NKD2: variants seen among roughly 807,000 people sequenced by gnomAD.
The protein encoded by NKD2 is protein naked cuticle homolog 2.
Under a neutral mutation model 34.8 loss-of-function variants are expected in NKD2, and 43 were observed. The ratio of observed to expected loss-of-function variants is 1.24; its 90% CI spans 0.97 to 1.60. The LOEUF is 1.60. NKD2 is among the 40% of genes most tolerant of loss of function. The pLI, the probability that NKD2 is intolerant of heterozygous loss-of-function variation, is 0.00. For synonymous variants in NKD2, 278 were observed against 265.1 expected (o/e 1.05, Z -0.47); for missense variants, 675 against 627.1 (o/e 1.08, Z -0.82).
chr5:1,028,357 G>A (rs1403338778), intron 3 of NKD2, among the ~76,000 whole-genome samples: 1 of 152,212 alleles, frequency 6.6e-6, no homozygotes, highest in Non-Finnish European at 1.5e-5. Flanking sequence ...ATGCAGCTGC[G>A]AGGCTATGGG....
At chr5:1,019,861 G>A (rs1406878799) in intron 3 of NKD2, among the ~76,000 whole-genome samples, 1 of 152,182 alleles carries the variant, frequency 6.6e-6, no homozygotes, top group Non-Finnish European at 1.5e-5. Context: ...AAAAACGTCC[G>A]GTGGGTTTTT....
chr5:1,011,373 C>T (rs902644277), intron 3 of NKD2, among the ~76,000 whole-genome samples: 4 of 152,218 alleles, frequency 2.6e-5, no homozygotes, highest in South Asian at 2.1e-4. Flanking sequence ...GTTCCCCCTG[C>T]GACAGATCCT....
At chr5:1,015,238 C>T (rs1246785433) in intron 3 of NKD2, among the ~76,000 whole-genome samples, 4 of 152,232 alleles carry the variant, frequency 2.6e-5, no homozygotes, top group Non-Finnish European at 4.4e-5. Context: ...TGTCAGCAAG[C>T]TCTCACTGGT....
intron 6 of NKD2, 111 bp from the exon 7 acceptor site, chr5:1,034,645 G>A: frequency 3.5e-6 from 4 of 1,158,602 alleles, no homozygotes; most frequent in Middle Eastern, 4.9e-4. Flanking sequence ...TCTGTTGGTG[G>A]ATGCAAGGAT....
Position 1,038,899 on chromosome 5 carries a change from A to C in NKD2, c.*526A>C, listed in dbSNP as rs1454054000. 7.8e-6 allele frequency: 2 copies of C among 257,850 alleles called. No individual in the cohort carries two copies. The highest frequency in any genetic ancestry group is 2.1e-4 in the East Asian group (2 of 9,464). 16.0% of individuals were successfully genotyped at this position (257,850 alleles called of 1,614,324 possible). A position where few individuals can be genotyped will look rare whatever the true frequency, so the allele number is the denominator to read the frequency against. ...GCAGGGAGCATCCGCGGCTCCCCGC[A>C]GGAGGCCAAGCAGCAGAAGGCAGCA... On this transcript the variant is annotated 3_prime_UTR_variant, in exon 10 of 10. Coordinates refer to ENST00000296849, the MANE Select transcript of NKD2 (RefSeq NM_033120.4). This position sits in a 1 kb window ranked among gnomAD's most constrained non-coding sequence, Gnocchi z 4.5.
At chr5:1,013,411 C>G (rs1755830672) in intron 3 of NKD2, among the ~76,000 whole-genome samples, 1 of 152,212 alleles carries the variant, frequency 6.6e-6, no homozygotes, top group Non-Finnish European at 1.5e-5. Context: ...TGTGGCCCAG[C>G]CATGTGGCGA....
intron 3 of NKD2, among the ~76,000 whole-genome samples, chr5:1,028,462 A>G (rs1756512405): frequency 6.6e-6 from 1 of 152,182 alleles, no homozygotes; most frequent in Non-Finnish European, 1.5e-5. Flanking sequence ...CTGCTCAGGC[A>G]GATGCGGCTG....
chr5:1,011,332 G>A (rs1002616348), intron 3 of NKD2, among the ~76,000 whole-genome samples: 29 of 152,180 alleles, frequency 1.9e-4, no homozygotes, highest in African/African-American at 7.0e-4. Context: ...TGCCCTCCCT[G>A]CCACATTGCT....
chr5:1,027,210 C>T (rs990086312), intron 3 of NKD2, among the ~76,000 whole-genome samples: 3 of 152,358 alleles, frequency 2.0e-5, no homozygotes, highest in Middle Eastern at 3.4e-3. Context: ...CCAACAGGGC[C>T]GTCCCCACCA....
At position 1,033,478 on chromosome 5, in the gene NKD2, C is replaced by T. The variant is rs1194425200; in HGVS notation, c.309C>T (p.Gly103=). ...AANREGPRGP[G]GQRLNIDALQ... ...ACCGCGAGGGCCCGCGAGGACCGGG[C>T]GGGCAGCGCCTCAACATTGACGTGG... Residue 103 remains glycine (G), a synonymous_variant, in exon 5 of 10, where the codon GGC becomes GGT. Transcript: ENST00000296849. 2.0e-5 allele frequency: 31 copies of T among 1,551,064 alleles called. No individual in the cohort carries two copies. Among genetic ancestry groups the T allele is most frequent in the Admixed American group, 3.9e-5 (2 of 51,256 alleles).
intron 5 of NKD2, 69 bp from the exon 6 acceptor site, chr5:1,034,166 T>C (rs892910150): frequency 8.0e-6 from 9 of 1,128,010 alleles, no homozygotes; most frequent in Non-Finnish European, 1.2e-5. Context: ...AGAAGATCCT[T>C]CCCCCTGTGG....
At chr5:1,017,860 G>A (rs1239662229) in intron 3 of NKD2, among the ~76,000 whole-genome samples, 3 of 152,050 alleles carry the variant, frequency 2.0e-5, no homozygotes, top group African/African-American at 7.2e-5. Context: ...GAGAGGCCAG[G>A]CAGGGGTACA....
At chr5:1,032,426 G>A (rs371877793) in intron 4 of NKD2, among the ~76,000 whole-genome samples, 3 of 152,224 alleles carry the variant, frequency 2.0e-5, no homozygotes, top group African/African-American at 4.8e-5. Context: ...GACCAAAAAG[G>A]CCTGTCCCAT....
chr5:1,009,210 G>A lies in NKD2; in HGVS notation c.57G>A (p.Pro19=). ...AAAARKRRES[P]EGDSFVASAY... ...CCGCCCGCAAGCGGAGAGAGAGCCC[G>A]GAAGGTGAGCGGGCGAGCCGACGGG... The change falls in exon 2 of 10, where the codon CCG becomes CCA. Residue 19 remains proline (P), a synonymous_variant. Transcript: ENST00000296849. The surrounding 1 kb of genome is among the most constrained non-coding windows in gnomAD (Gnocchi z 6.9). The A allele has an allele frequency of 3.7e-6, 2 of 541,706 alleles. No individual in the cohort carries two copies. Among genetic ancestry groups the A allele is most frequent in the South Asian group, 2.4e-5 (1 of 42,220 alleles). The allele number at this position is 541,706 out of a possible 1,614,324, so 33.6% of individuals were successfully genotyped here.
At chr5:1,010,518 T>C (rs547461191) in intron 3 of NKD2, among the ~76,000 whole-genome samples, 1 of 152,218 alleles carries the variant, frequency 6.6e-6, no homozygotes, top group East Asian at 1.9e-4. Context: ...GGCTTAGGTC[T>C]GCTTGGAAAT....
At position 1,009,647 on chromosome 5, in the gene NKD2, G is replaced by T; in HGVS notation, c.141+87G>T. On this transcript the variant is annotated intron_variant, in intron 3 of 9. Coordinates refer to ENST00000296849, the MANE Select transcript of NKD2 (RefSeq NM_033120.4). The surrounding 1 kb of genome is among the most constrained non-coding windows in gnomAD (Gnocchi z 6.9). Reference sequence around the variant, plus strand: ...TCAGAGCTGTTCCTGGTGCCCGCCCGCGGACAGGCGAGACGTGGGCCGCCA... The same window carrying T: ...TCAGAGCTGTTCCTGGTGCCCGCCCTCGGACAGGCGAGACGTGGGCCGCCA... The T allele has an allele frequency of 8.8e-7, 1 of 1,137,054 alleles. No individual in the cohort carries two copies. Among genetic ancestry groups the T allele is most frequent in the Non-Finnish European group, 1.2e-6 (1 of 863,266 alleles). 70.4% of individuals were successfully genotyped at this position (1,137,054 alleles called of 1,614,324 possible). A position where few individuals can be genotyped will look rare whatever the true frequency, so the allele number is the denominator to read the frequency against.
chr5:1,034,975 C>A, intron 7 of NKD2, 72 bp downstream of exon 7: 2 of 1,395,348 alleles, frequency 1.4e-6, no homozygotes, highest in Non-Finnish European at 9.7e-7. Context: ...GTGCGCGGGA[C>A]AGGGAGGGAC....
chr5:1,016,067 G>A (rs1417021932), intron 3 of NKD2, among the ~76,000 whole-genome samples: 2 of 152,252 alleles, frequency 1.3e-5, no homozygotes, highest in Non-Finnish European at 2.9e-5. Flanking sequence ...AAGGCGCGGT[G>A]TGTGAGAGGG....
intron 8 of NKD2, 59 bp downstream of exon 8, chr5:1,035,532 C>A: frequency 7.4e-7 from 1 of 1,354,364 alleles, no homozygotes; most frequent in Non-Finnish European, 1.0e-6. Flanking sequence ...CTGGCCACAC[C>A]CCTGCTTCCC....
Sources: gnomAD v4.1 joint callset for allele counts (sites outside exome capture counted in the v4.1 genomes callset) on GRCh38, gnomAD v4.1.1 for gene constraint, Gnocchi (gnomAD v3.1) non-coding constraint, MANE v1.5 for transcripts, NCBI Gene and HGNC (gene_info 2026-07-23, HGNC 2026-07-21) for gene names.